HAUS8: variants seen among roughly 807,000 people sequenced by gnomAD.
HAUS8 encodes the protein HAUS augmin-like complex subunit 8.
HAUS8 carries 38 observed loss-of-function variants against 42.9 expected under a neutral mutation model. The ratio of observed to expected loss-of-function variants is 0.89; its 90% CI spans 0.68 to 1.16. HAUS8 has a LOEUF of 1.16. Ranked by LOEUF, HAUS8 falls within the 50% of genes most tolerant of loss-of-function variation. The pLI is 0.00. For synonymous variants in HAUS8, 199 were observed against 205.8 expected (o/e 0.97, Z 0.28); for missense variants, 494 against 511.6 (o/e 0.97, Z 0.33).
intron 9 of HAUS8, chr19:17,055,184 A>G (rs1489509271): frequency 1.4e-5 from 1 of 73,746 alleles, no homozygotes; most frequent in Non-Finnish European, 2.3e-5. Flanking sequence ...ATATATATAT[A>G]TATATATAAG....
chr19:17,073,420 C>T (rs1420142072), intron 1 of HAUS8, 85 bp from the exon 2 acceptor site: 9 of 1,247,548 alleles, frequency 7.2e-6, no homozygotes, highest in African/African-American at 5.9e-5. Context: ...CTAGTTGAAG[C>T]TCAGACAGCC....
At chr19:17,062,581 CT>C in intron 4 of HAUS8, 116 bp downstream of exon 4, 1 of 769,988 alleles carries the variant, frequency 1.3e-6, no homozygotes, top group Non-Finnish European at 2.3e-6. Context: ...CCAACTCTCT[CT>C]GCTCACTGCT....
At chr19:17,062,894 C>T (rs1050402232) in intron 3 of HAUS8, 115 bp from the exon 4 acceptor site, 2 of 760,584 alleles carry the variant, frequency 2.6e-6, no homozygotes, top group Non-Finnish European at 4.5e-6. Flanking sequence ...GCAGGGGAGA[C>T]ATTTAAAGAG....
At chr19:17,074,439 GCTC>G (rs2057451855) in intron 1 of HAUS8, 1 of 152,398 alleles carries the variant, frequency 6.6e-6, no homozygotes, top group Non-Finnish European at 1.5e-5. Flanking sequence ...TCGCCCGTAG[GCTC>G]CTCCTAACCC....
intron 6 of HAUS8, 115 bp downstream of exon 6, chr19:17,059,442 C>A: frequency 1.4e-6 from 1 of 705,716 alleles, no homozygotes; most frequent in South Asian, 1.7e-5. Context: ...TCCTAAAGGG[C>A]ATGGGTGTCT....
chr19:17,075,062 G>C (rs1568645012), intron 1 of HAUS8: 2 of 425,610 alleles, frequency 4.7e-6, no homozygotes, highest in East Asian at 8.1e-5. Context: ...GCCGATCTAA[G>C]CGCGTTTCAG....
chr19:17,072,374 C>T (rs868191270), intron 2 of HAUS8, among the ~76,000 whole-genome samples: 35 of 94,986 alleles, frequency 3.7e-4, no homozygotes, highest in Non-Finnish European at 5.6e-4. Flanking sequence ...GATGGAGTTT[C>T]GCTCGCCACC....
At chr19:17,065,316 A>G (rs1209638230) in intron 3 of HAUS8, among the ~76,000 whole-genome samples, 4 of 152,184 alleles carry the variant, frequency 2.6e-5, no homozygotes, top group African/African-American at 9.6e-5. Flanking sequence ...TAACTCCTAT[A>G]AACCCTTGTT....
At position 17,073,268 on chromosome 19, in the gene HAUS8, G is replaced by A; in HGVS notation, c.91+6C>T. The stretch of plus-strand genomic sequence containing the variant: ...TGTTCCTTAAAGAGATCCTGACACT[G>A]CTTACCTTGAACTCTTTTATCCTTC... On this transcript the variant is annotated splice_donor_region_variant and intron_variant, in intron 2 of 10. Coordinates refer to ENST00000253669, the MANE Select transcript of HAUS8 (RefSeq NM_033417.2). 1 of 1,611,414 alleles carries A rather than the reference G, an allele frequency of 6.2e-7. No individual in the cohort carries two copies. Among genetic ancestry groups the A allele is most frequent in the South Asian group, 1.1e-5 (1 of 91,038 alleles).
At chr19:17,072,562 G>C (rs983842444) in intron 2 of HAUS8, among the ~76,000 whole-genome samples, 1 of 151,912 alleles carries the variant, frequency 6.6e-6, no homozygotes, top group East Asian at 1.9e-4. Flanking sequence ...GGCAGGTCTT[G>C]AACTCTTGAC....
intron 8 of HAUS8, among the ~76,000 whole-genome samples, chr19:17,057,423 C>T (rs1032418473): frequency 2.0e-5 from 3 of 152,092 alleles, no homozygotes; most frequent in African/African-American, 4.8e-5. Context: ...TATGTATGCA[C>T]TCATGACATG....
chr19:17,061,991 A>G (rs1000233578), intron 4 of HAUS8, among the ~76,000 whole-genome samples: 3 of 152,202 alleles, frequency 2.0e-5, no homozygotes, highest in African/African-American at 7.2e-5. Flanking sequence ...AGGAGTGGCA[A>G]ATTGTAGCTC....
intron 8 of HAUS8, among the ~76,000 whole-genome samples, chr19:17,057,363 A>T (rs1042357439): frequency 4.6e-5 from 7 of 150,978 alleles, no homozygotes; most frequent in African/African-American, 1.7e-4. Flanking sequence ...AAAAAAAAAA[A>T]ATTTTTTTGT....
chr19:17,055,811 C>G (rs113957590), intron 9 of HAUS8, 50 bp downstream of exon 9: 2 of 1,555,918 alleles, frequency 1.3e-6, no homozygotes, highest in Non-Finnish European at 1.7e-6. Flanking sequence ...CACCCACACA[C>G]GCTCCTCGCC....
intron 3 of HAUS8, among the ~76,000 whole-genome samples, chr19:17,064,214 C>A (rs536931425): frequency 1.3e-5 from 2 of 152,260 alleles, no homozygotes; most frequent in Non-Finnish European, 2.9e-5. Context: ...AATCTGGAAG[C>A]TACAAAACAA....
Position 17,058,621 on chromosome 19 carries a change from C to G in HAUS8, c.573G>C (p.Lys191Asn). 1.9e-6 allele frequency: 3 copies of G among 1,613,684 alleles called. No individual in the cohort carries two copies. The highest frequency in any genetic ancestry group is 2.5e-6 in the Non-Finnish European group (3 of 1,179,868). The change falls in exon 8 of 11, where the codon AAG becomes AAC. Residue 191 changes from lysine (K) to asparagine (N), a missense_variant. Physicochemically the swap from Lys to Asn is moderately conservative, Grantham distance 94. Coordinates refer to ENST00000253669, the MANE Select transcript of HAUS8 (RefSeq NM_033417.2). ...GAAGCCTGCGCTTCAGCTCGTGGGC[C>G]TTTTTCTGTAGCTTCTCCTTCTCCT... Reference protein sequence around the residue: ...MCKEKEKLQKKAHELKRRLLL... With the variant: ...MCKEKEKLQKNAHELKRRLLL...
chr19:17,065,823 C>CAA (rs60912543), intron 3 of HAUS8, among the ~76,000 whole-genome samples: 64 of 129,162 alleles, frequency 5.0e-4, no homozygotes, highest in Admixed American at 2.0e-3. Flanking sequence ...GGCTCTATCT[C>CAA]AAAAAAAAAA....
At chr19:17,068,096 A>AT (rs2057398141) in intron 3 of HAUS8, among the ~76,000 whole-genome samples, 1 of 104,870 alleles carries the variant, frequency 9.5e-6, no homozygotes, top group Non-Finnish European at 2.0e-5. Context: ...TTTTTATTTT[A>AT]TTCTTTTTTT....
intron 3 of HAUS8, among the ~76,000 whole-genome samples, chr19:17,063,620 G>A (rs928936433): frequency 6.6e-6 from 1 of 152,168 alleles, no homozygotes; most frequent in African/African-American, 2.4e-5. Flanking sequence ...TGTCTGTGAG[G>A]GTGTTTACTA....
Sources: gnomAD v4.1 joint callset for allele counts (sites outside exome capture counted in the v4.1 genomes callset) on GRCh38, gnomAD v4.1.1 for gene constraint, MANE v1.5 for transcripts, NCBI Gene and HGNC (gene_info 2026-07-23, HGNC 2026-07-21) for gene names.